SLC38A9: variants seen among roughly 807,000 people sequenced by gnomAD.
The protein encoded by SLC38A9 is neutral amino acid transporter 9.
Under a neutral mutation model 62.3 loss-of-function variants are expected in SLC38A9, and 48 were observed. The ratio of observed to expected loss-of-function variants is 0.77; its 90% CI spans 0.61 to 0.98. The LOEUF is 0.98. Ranked by LOEUF, SLC38A9 falls within the 50% of genes least tolerant of loss-of-function variation. SLC38A9 has a pLI of 0.00. For missense variants in SLC38A9, 541 were observed against 679.8 expected, an observed-to-expected ratio of 0.80 and a Z score of 2.27; for synonymous variants, 204 against 227.7, an observed-to-expected ratio of 0.90 and a Z score of 0.94.
At chr5:55,629,140 C>A (rs73119727) in intron 14 of SLC38A9, among the ~76,000 whole-genome samples, 7,434 of 152,118 alleles carry the variant, frequency 0.049, 312 homozygotes, top group African/African-American at 0.12. Context: ...GCATTATAAA[C>A]GGAAACAACT....
chr5:55,660,193 T>G (rs896444578), intron 8 of SLC38A9, among the ~76,000 whole-genome samples: 3 of 151,994 alleles, frequency 2.0e-5, no homozygotes, highest in Non-Finnish European at 4.4e-5. Context: ...GGCAGACTGC[T>G]TGAACTCAGG....
At chr5:55,640,759 G>C (rs995810951) in intron 12 of SLC38A9, among the ~76,000 whole-genome samples, 1 of 152,130 alleles carries the variant, frequency 6.6e-6, no homozygotes, top group Non-Finnish European at 1.5e-5. Flanking sequence ...ATTGTTCTAA[G>C]ATCTTTAACA....
chr5:55,629,065 C>T (rs945035059), intron 14 of SLC38A9, among the ~76,000 whole-genome samples: 1 of 152,030 alleles, frequency 6.6e-6, no homozygotes, highest in Non-Finnish European at 1.5e-5. Context: ...TACTGTTTAC[C>T]CAGAAACTCT....
chr5:55,692,664 G>C lies in SLC38A9; in HGVS notation c.113+5182C>G, dbSNP rs183681904. ...CAAGTTTCATTATAGAAAATATATT[G>C]CCATTTAATCTACGCAGTTAAACAA... On this transcript the variant is annotated intron_variant, in intron 3 of 15. Transcript: ENST00000396865. 124 of 985,018 alleles carry C rather than the reference G, an allele frequency of 1.3e-4. 1 individual carries two copies. In the African/African-American group the frequency reaches 2.1e-3, roughly 17 times the overall value. 61.0% of individuals were successfully genotyped at this position (985,018 alleles called of 1,614,324 possible).
rs767919522 is a variant in SLC38A9 at position 55,627,884 on chromosome 5, G to A, written c.1520+7C>T. 6.4e-7 allele frequency: 1 copy of A among 1,573,864 alleles called. No individual in the cohort carries two copies. The highest frequency in any genetic ancestry group is 1.1e-5 in the South Asian group (1 of 89,510). On this transcript the variant is annotated splice_region_variant and intron_variant, in intron 15 of 15. Transcript: ENST00000396865. ...TGTAAGGGCACCATTCCCTTACAAG[G>A]CAGTACCTTATGATCCCTCCTATGT...
At position 55,649,283 on chromosome 5, in the gene SLC38A9, A is replaced by C; in HGVS notation, c.984T>G (p.Leu328=). 6.2e-7 allele frequency: 1 copy of C among 1,608,320 alleles called. No individual in the cohort carries two copies. Among genetic ancestry groups the C allele is most frequent in the Non-Finnish European group, 8.5e-7 (1 of 1,177,786 alleles). The stretch of plus-strand genomic sequence containing the variant: ...CCAAGCGAACAGCCTTAAAGGTGAC[A>C]AGGAAAATCAAATAAAGGACAGACA... ...GTVSVLYLIF[L]VTFKAVRLGF... is the part of the protein sequence containing the mutation. Residue 328 remains leucine, a synonymous_variant, in exon 11 of 16, where the codon CTT becomes CTG. Coordinates refer to ENST00000396865, the MANE Select transcript of SLC38A9 (RefSeq NM_173514.4).
intron 10 of SLC38A9, 32 bp downstream of exon 10, chr5:55,652,497 C>G: frequency 7.1e-6 from 10 of 1,414,246 alleles, no homozygotes; most frequent in Non-Finnish European, 9.6e-6. Context: ...TTCTATTACA[C>G]AAAGTCTCCA....
intron 2 of SLC38A9, among the ~76,000 whole-genome samples, chr5:55,700,822 T>C (rs946389635): frequency 1.3e-5 from 2 of 152,364 alleles, no homozygotes; most frequent in Middle Eastern, 3.4e-3. Flanking sequence ...CTTGACAAGC[T>C]GGATTCACTG....
At chr5:55,666,386 TAC>T (rs1561371217) in intron 7 of SLC38A9, among the ~76,000 whole-genome samples, 1 of 152,248 alleles carries the variant, frequency 6.6e-6, no homozygotes, top group South Asian at 2.1e-4. Context: ...AGGATAATTT[TAC>T]AGTCTTTTTT....
chr5:55,643,348 C>A (rs1373939036), intron 12 of SLC38A9, among the ~76,000 whole-genome samples: 1 of 152,058 alleles, frequency 6.6e-6, no homozygotes, highest in Non-Finnish European at 1.5e-5. Context: ...TCCCAAATTT[C>A]TTTCTGTTAT....
At chr5:55,668,175 A>C (rs992743853) in intron 7 of SLC38A9, among the ~76,000 whole-genome samples, 1 of 108,598 alleles carries the variant, frequency 9.2e-6, no homozygotes, top group African/African-American at 3.0e-5. Context: ...GTCTCCAAAA[A>C]AAAGGAAAAT....
intron 14 of SLC38A9, among the ~76,000 whole-genome samples, chr5:55,630,268 A>G (rs1258257970): frequency 6.6e-6 from 1 of 152,174 alleles, no homozygotes; most frequent in Non-Finnish European, 1.5e-5. Context: ...CTGCTAGTAA[A>G]ACAAACATCA....
At chr5:55,699,045 G>C (rs1207723386) in intron 2 of SLC38A9, among the ~76,000 whole-genome samples, 1 of 152,122 alleles carries the variant, frequency 6.6e-6, no homozygotes, top group Non-Finnish European at 1.5e-5. Flanking sequence ...CTTGAGGTCA[G>C]GAGTTTAAAA....
chr5:55,664,502 G>C (rs1287977959), intron 8 of SLC38A9, 191 bp downstream of exon 8: 1 of 313,964 alleles, frequency 3.2e-6, no homozygotes, highest in African/African-American at 2.1e-5. Flanking sequence ...TTAATGTTTG[G>C]AAATAAGCAT....
chr5:55,670,398 T>C (rs1040416665), intron 4 of SLC38A9, among the ~76,000 whole-genome samples: 1 of 152,210 alleles, frequency 6.6e-6, no homozygotes, highest in African/African-American at 2.4e-5. Flanking sequence ...ATTTTGGAAT[T>C]TTCAGAAAAC....
intron 6 of SLC38A9, 41 bp downstream of exon 6, chr5:55,669,516 A>T: frequency 1.3e-6 from 2 of 1,545,436 alleles, no homozygotes; most frequent in Non-Finnish European, 1.8e-6. Flanking sequence ...TATAAAGAGA[A>T]AAACATTTAG....
At chr5:55,658,925 A>G (rs777967752) in intron 8 of SLC38A9, among the ~76,000 whole-genome samples, 10 of 152,218 alleles carry the variant, frequency 6.6e-5, no homozygotes, top group Non-Finnish European at 1.3e-4. Flanking sequence ...AGTTTACCCC[A>G]CAATACAAGG....
intron 3 of SLC38A9, among the ~76,000 whole-genome samples, chr5:55,683,228 T>A (rs995238535): frequency 1.3e-5 from 2 of 152,176 alleles, no homozygotes; most frequent in African/African-American, 4.8e-5. Flanking sequence ...TGGTTTGTTT[T>A]ACAGATGAGG....
In SLC38A9 at chr5:55,637,065, A is replaced by G. The variant is rs147756419; in HGVS notation, c.1168-1408T>C. ...TCAAAAGTAGTAGTTTCCCATTATG[A>G]TGGCTGAAAGTCATTCTACACTCAA... is the stretch of plus-strand genomic sequence containing the variant. On this transcript the variant is annotated intron_variant, in intron 12 of 15. Transcript: ENST00000396865. Among the ~76,000 whole-genome samples, 239 of 152,246 alleles carry G rather than the reference A, an allele frequency of 1.6e-3. 1 individual carries two copies. The highest frequency in any genetic ancestry group is 0.014 in the Middle Eastern group (4 of 294).
Sources: allele counts gnomAD v4.1 joint callset (sites outside exome capture counted in the v4.1 genomes callset), GRCh38; gene constraint gnomAD v4.1.1; transcripts MANE v1.5; gene names NCBI Gene and HGNC (gene_info 2026-07-23, HGNC 2026-07-21).